The following BAZ2B variants were observed in gnomAD, a reference collection of about 807,000 sequenced individuals.
BAZ2B encodes the protein bromodomain adjacent to zinc finger domain protein 2B.
A neutral mutation model predicts 246.0 loss-of-function variants in BAZ2B; 91 were observed. The observed-to-expected ratio is 0.37, with a 90% CI of 0.31 to 0.44. BAZ2B has a LOEUF of 0.44. Among genes scored for constraint, BAZ2B ranks in the 20% least tolerant of loss-of-function variants. The pLI is 1.00. For synonymous variants in BAZ2B, 855 were observed against 860.0 expected, an observed-to-expected ratio of 0.99 and a Z score of 0.10; for missense variants, 2,332 against 2,533.7, an observed-to-expected ratio of 0.92 and a Z score of 1.71.
In BAZ2B at chr2:159,382,872, A is replaced by G. The variant is rs573690652; in HGVS notation, c.3762-70T>C. ...CAATATACTTTTAAAAGAGCAAAAC[A>G]TGAGTTGTATGCAAAAATACCTTAT... On this transcript the variant is annotated intron_variant, in intron 24 of 36. Transcript: ENST00000392783. The G allele has an allele frequency of 1.4e-3, 2,181 of 1,531,654 alleles. 11 individuals carry two copies. Among genetic ancestry groups the G allele is most frequent in the Middle Eastern group, 6.3e-3 (36 of 5,714 alleles). 94.9% of individuals were successfully genotyped at this position (1,531,654 alleles called of 1,614,324 possible). A position where few individuals can be genotyped will look rare whatever the true frequency, so the allele number is the denominator to read the frequency against.
the BAZ2B span, among the ~76,000 whole-genome samples, chr2:159,631,377 A>T: frequency 5.9e-5 from 9 of 152,226 alleles, no homozygotes; most frequent in Non-Finnish European, 1.3e-4. Context: ...ATACCTAGAA[A>T]CAGGGACCAG....
chr2:159,609,784 A>C (rs923102806), intron 1 of BAZ2B, among the ~76,000 whole-genome samples: 5 of 147,744 alleles, frequency 3.4e-5, no homozygotes, highest in Admixed American at 2.0e-4. Flanking sequence ...CAGTGACCAG[A>C]TTTTAAATGC....
At position 159,386,487 on chromosome 2, in the gene BAZ2B, T is replaced by C. The variant is rs1315705091; in HGVS notation, c.3337A>G (p.Ile1113Val). ...AGAACACTCAGGTTTGGAACATCAA[T>C]ATTCACATCAAAGCCCAAAACTTTA... Reference protein sequence around the residue: ...FGKVLGFDVNIDVPNLSVLQE... With the variant: ...FGKVLGFDVNVDVPNLSVLQE... The change falls in exon 22 of 37, where the codon ATT becomes GTT. Residue 1113 changes from isoleucine (I) to valine (V), a missense_variant. Physicochemically the swap from Ile to Val is conservative, Grantham distance 29. Transcript: ENST00000392783. 6.2e-7 allele frequency: 1 copy of C among 1,613,690 alleles called. No individual in the cohort carries two copies. The highest frequency in any genetic ancestry group is 1.1e-5 in the South Asian group (1 of 91,066).
chr2:159,478,938 T>C (rs769752002), intron 2 of BAZ2B, among the ~76,000 whole-genome samples: 5 of 152,184 alleles, frequency 3.3e-5, no homozygotes, highest in Non-Finnish European at 7.4e-5. Context: ...AGTTTTCTTA[T>C]ACCCCCCAAA....
chr2:159,326,651 G>A (rs1333507071), intron 34 of BAZ2B, among the ~76,000 whole-genome samples: 1 of 140,512 alleles, frequency 7.1e-6, no homozygotes, highest in Non-Finnish European at 1.7e-5. Flanking sequence ...ATATTTGTGA[G>A]GCCCTGTTTT....
intron 1 of BAZ2B, among the ~76,000 whole-genome samples, chr2:159,558,376 C>T (rs1465543884): frequency 6.6e-6 from 1 of 152,180 alleles, no homozygotes; most frequent in African/African-American, 2.4e-5. Flanking sequence ...CCCGCCTCAG[C>T]CTTCCGAGTA....
At chr2:159,563,097 A>G (rs2151510894) in intron 1 of BAZ2B, among the ~76,000 whole-genome samples, 1 of 152,342 alleles carries the variant, frequency 6.6e-6, no homozygotes, top group South Asian at 2.1e-4. Context: ...AAATAACTAA[A>G]GTTATCATTA....
chr2:159,515,184 C>T (rs1255982605), intron 2 of BAZ2B, among the ~76,000 whole-genome samples: 3 of 151,918 alleles, frequency 2.0e-5, no homozygotes, highest in African/African-American at 7.2e-5. Flanking sequence ...AAACATCTTA[C>T]TACATAGATC....
At chr2:159,618,550 C>A (rs1414906614), upstream of BAZ2B, among the ~76,000 whole-genome samples, 1 of 152,000 alleles carries the variant, frequency 6.6e-6, no homozygotes, top group Non-Finnish European at 1.5e-5. Context: ...AGACTTCTAT[C>A]CCAAGTCACA....
At chr2:159,541,352 C>T (rs1359490441) in intron 2 of BAZ2B, among the ~76,000 whole-genome samples, 6 of 151,810 alleles carry the variant, frequency 4.0e-5, no homozygotes, top group Non-Finnish European at 7.4e-5. Context: ...GATCTCAGCT[C>T]ACTGCAACCT....
At chr2:159,397,240 T>C in intron 19 of BAZ2B, 105 bp downstream of exon 19, 1 of 1,239,196 alleles carries the variant, frequency 8.1e-7, no homozygotes, top group Non-Finnish European at 1.1e-6. Flanking sequence ...GCAGAAATTA[T>C]ATCAGAAATT....
intron 6 of BAZ2B, among the ~76,000 whole-genome samples, chr2:159,440,480 T>C (rs902796805): frequency 2.7e-5 from 4 of 149,976 alleles, no homozygotes; most frequent in Admixed American, 2.7e-4. Context: ...GTGAGGAGAG[T>C]CACTCCCGCC....
rs1396195111 is a variant in BAZ2B at position 159,386,352 on chromosome 2, C to T, written c.3471+1G>A. On this transcript the variant is annotated splice_donor_variant, in intron 22 of 36. Transcript: ENST00000392783. LOFTEE classifies it high-confidence loss of function. ...ACATTTTATATTTTGTTTTTTTTTA[C>T]CTTGTATCCTGTTATTAGACCTGGA... 1.9e-6 allele frequency: 3 copies of T among 1,601,138 alleles called. No homozygotes were observed. Among genetic ancestry groups the T allele is most frequent in the Middle Eastern group, 1.7e-4 (1 of 5,960 alleles).
intron 33 of BAZ2B, 43 bp downstream of exon 33, chr2:159,336,899 C>A (rs1247185083): frequency 6.7e-7 from 1 of 1,485,686 alleles, no homozygotes; most frequent in South Asian, 1.2e-5. Flanking sequence ...AGAAACAGGA[C>A]AAAGTAAATT....
At chr2:159,640,498 A>G in the BAZ2B span, among the ~76,000 whole-genome samples, 1 of 152,194 alleles carries the variant, frequency 6.6e-6, no homozygotes, top group Non-Finnish European at 1.5e-5. Flanking sequence ...AATAGTATCA[A>G]ATATATTCTC....
At chr2:159,484,489 T>C (rs187881423) in intron 2 of BAZ2B, among the ~76,000 whole-genome samples, 2 of 152,322 alleles carry the variant, frequency 1.3e-5, no homozygotes, top group African/African-American at 2.4e-5. Context: ...TGCTGTATTT[T>C]ACTAAAATGA....
At chr2:159,471,405 C>T (rs1001316478) in intron 3 of BAZ2B, among the ~76,000 whole-genome samples, 1 of 152,012 alleles carries the variant, frequency 6.6e-6, no homozygotes, top group African/African-American at 2.4e-5. Context: ...AGTTTGAGAC[C>T]AGTCTGGACA....
chr2:159,702,497 C>T, the BAZ2B span, among the ~76,000 whole-genome samples: 2 of 152,098 alleles, frequency 1.3e-5, no homozygotes, highest in Non-Finnish European at 2.9e-5. Context: ...AAAGTCTTGA[C>T]ATACAACTTT....
chr2:159,634,408 C>G, the BAZ2B span, among the ~76,000 whole-genome samples: 3 of 152,282 alleles, frequency 2.0e-5, no homozygotes, highest in South Asian at 2.1e-4. Context: ...GCATGTAGAT[C>G]AAAGATTTGC....
Sources: gnomAD v4.1 joint callset for allele counts (sites outside exome capture counted in the v4.1 genomes callset) on GRCh38, gnomAD v4.1.1 for gene constraint, MANE v1.5 for transcripts, NCBI Gene and HGNC (gene_info 2026-07-23, HGNC 2026-07-21) for gene names.